The following IL1RAPL2 variants were observed in gnomAD, a reference collection of about 807,000 sequenced individuals.
IL1RAPL2 encodes the protein X-linked interleukin-1 receptor accessory protein-like 2.
In IL1RAPL2, 3 loss-of-function variants were observed where a neutral mutation model predicts 44.1. The observed-to-expected ratio is 0.07, with a 90% CI of 0.03 to 0.18. The LOEUF (loss-of-function observed/expected upper bound fraction) is 0.18, where lower values mean the gene tolerates loss of function less well. Among genes scored for constraint, IL1RAPL2 ranks in the 10% least tolerant of loss-of-function variants. IL1RAPL2 has a pLI of 1.00. For synonymous variants in IL1RAPL2, 181 were observed against 178.8 expected (o/e 1.01, Z -0.10); for missense variants, 391 against 496.4 (o/e 0.79, Z 2.02).
At chrX:104,746,622 AC>A (rs1932180705) in intron 2 of IL1RAPL2, among the ~76,000 whole-genome samples, 1 of 111,658 alleles carries the variant, frequency 9.0e-6, no homozygotes. Flanking sequence ...ATGAGTCAGA[AC>A]TTTTTTTCTG....
intron 2 of IL1RAPL2, among the ~76,000 whole-genome samples, chrX:104,692,108 A>G (rs1324893265): frequency 9.0e-6 from 1 of 111,492 alleles, no homozygotes; most frequent in Admixed American, 9.6e-5. Context: ...CCTTAGGAGA[A>G]GTCTTTTAAA....
intron 5 of IL1RAPL2, among the ~76,000 whole-genome samples, chrX:105,386,388 C>T (rs762756351): frequency 1.8e-5 from 2 of 111,397 alleles, no homozygotes; most frequent in African/African-American, 3.3e-5. Context: ...CTGTGTGCTA[C>T]GAGGTGCTTT....
intron 6 of IL1RAPL2, among the ~76,000 whole-genome samples, chrX:105,598,745 C>T (rs1233756383): frequency 1.8e-5 from 2 of 111,957 alleles, no homozygotes; most frequent in South Asian, 3.7e-4. Context: ...GTAACCTCCT[C>T]CACAAAATCG....
intron 3 of IL1RAPL2, among the ~76,000 whole-genome samples, chrX:105,207,501 A>G (rs1208861526): frequency 2.7e-5 from 3 of 111,707 alleles, no homozygotes; most frequent in African/African-American, 9.8e-5. Flanking sequence ...CACTCCTAGT[A>G]TCTCTTGTAT....
chrX:105,245,497 C>T (rs764821604), intron 4 of IL1RAPL2, among the ~76,000 whole-genome samples: 16 of 112,084 alleles, frequency 1.4e-4, no homozygotes, highest in Non-Finnish European at 2.6e-4. Context: ...TGAACTGCAT[C>T]AGTTATCAAA....
intron 6 of IL1RAPL2, among the ~76,000 whole-genome samples, chrX:105,518,934 A>T (rs16984807): frequency 0.07 from 7,760 of 110,318 alleles, 422 homozygotes; most frequent in African/African-American, 0.19. Context: ...CATCTATACA[A>T]CTTTCACCAT....
At chrX:105,105,112 G>C (rs2032721699) in intron 2 of IL1RAPL2, among the ~76,000 whole-genome samples, 2 of 111,730 alleles carry the variant, frequency 1.8e-5, no homozygotes, top group African/African-American at 6.5e-5. Context: ...AACCCTGTTA[G>C]ATGTGAAATA....
At chrX:105,169,492 CTTTTTTTTTTTTTTTT>C (rs748101220) in intron 2 of IL1RAPL2, among the ~76,000 whole-genome samples, 9 of 41,587 alleles carry the variant, frequency 2.2e-4, no homozygotes, top group African/African-American at 9.6e-4. Flanking sequence ...TTCTTTCTTT[CTTTTTTTTTTTTTTTT>C]TTTTTTTTTT....
intron 2 of IL1RAPL2, among the ~76,000 whole-genome samples, chrX:105,017,856 A>G (rs2031212161): frequency 1.8e-5 from 2 of 111,821 alleles, no homozygotes; most frequent in Non-Finnish European, 3.8e-5. Flanking sequence ...AGTTTGGAAA[A>G]AAGTGACTAA....
chrX:105,201,450 T>C (rs1443056128), intron 3 of IL1RAPL2, among the ~76,000 whole-genome samples: 2 of 112,197 alleles, frequency 1.8e-5, no homozygotes, highest in Non-Finnish European at 3.8e-5. Flanking sequence ...AAGTATACAG[T>C]AATTTTACTT....
chrX:104,676,446 A>G (rs1322329498), intron 2 of IL1RAPL2, among the ~76,000 whole-genome samples: 1 of 111,810 alleles, frequency 8.9e-6, no homozygotes, highest in Non-Finnish European at 1.9e-5. Context: ...CTTCTGGCTT[A>G]TAGAGTTTCT....
intron 6 of IL1RAPL2, among the ~76,000 whole-genome samples, chrX:105,531,525 T>A (rs1337335608): frequency 9.0e-6 from 1 of 111,622 alleles, no homozygotes; most frequent in African/African-American, 3.3e-5. Flanking sequence ...TTGTTGGTTA[T>A]ATTTTTTTTG....
intron 2 of IL1RAPL2, among the ~76,000 whole-genome samples, chrX:105,003,056 T>TG (rs1163875187): frequency 9.0e-6 from 1 of 110,987 alleles, no homozygotes; most frequent in Non-Finnish European, 1.9e-5. Context: ...TTTTCACCAT[T>TG]GTGGAGGTAT....
At chrX:105,239,011 T>C (rs1446799513) in intron 4 of IL1RAPL2, among the ~76,000 whole-genome samples, 1 of 111,754 alleles carries the variant, frequency 8.9e-6, no homozygotes, top group African/African-American at 3.3e-5. Flanking sequence ...GTTTGGAGTA[T>C]GCCCCTTACC....
intron 5 of IL1RAPL2, among the ~76,000 whole-genome samples, chrX:105,381,078 C>T (rs908716412): frequency 9.0e-6 from 1 of 111,051 alleles, no homozygotes; most frequent in Non-Finnish European, 1.9e-5. Context: ...TCCCTACCCC[C>T]ATAGAGCTCA....
At chrX:105,110,293 T>C (rs1602958742) in intron 2 of IL1RAPL2, among the ~76,000 whole-genome samples, 2 of 112,458 alleles carry the variant, frequency 1.8e-5, no homozygotes, top group Admixed American at 1.9e-4. Context: ...AGGCAACTTG[T>C]ATTTTCTGCC....
At chrX:105,335,323 T>C (rs1256051686) in intron 5 of IL1RAPL2, among the ~76,000 whole-genome samples, 2 of 111,475 alleles carry the variant, frequency 1.8e-5, no homozygotes, top group Non-Finnish European at 3.8e-5. Flanking sequence ...GGGTACTTTC[T>C]GCCAACTGAT....
At chrX:104,654,656 G>A (rs990378700) in intron 1 of IL1RAPL2, among the ~76,000 whole-genome samples, 2 of 111,347 alleles carry the variant, frequency 1.8e-5, no homozygotes, top group Non-Finnish European at 3.8e-5. Context: ...GGCAATGTGG[G>A]CTCTTTTTTA....
chrX:105,218,820 A>G lies in IL1RAPL2; in HGVS notation c.357-14998A>G, dbSNP rs59988875. 1,937 of 510,432 alleles carry G rather than the reference A, an allele frequency of 3.8e-3. 25 individuals carry two copies. In the African/African-American group the frequency reaches 0.042, roughly 11 times the overall value. The allele number at this position is 510,432 out of a possible 1,213,427, so 42.1% of individuals were successfully genotyped here. A position where few individuals can be genotyped will look rare whatever the true frequency, so the allele number is the denominator to read the frequency against. On this transcript the variant is annotated intron_variant, in intron 3 of 10. Transcript: ENST00000372582. The stretch of plus-strand genomic sequence containing the variant: ...CCCCTATCTCTGAAGTTATTCGTAA[A>G]GGTACCATTGTCTCACCTCCTTCCC...
Sources: gnomAD v4.1 joint callset for allele counts (sites outside exome capture counted in the v4.1 genomes callset) on GRCh38, gnomAD v4.1.1 for gene constraint, MANE v1.5 for transcripts, NCBI Gene and HGNC (gene_info 2026-07-23, HGNC 2026-07-21) for gene names.